The following STPG2 variants were observed in gnomAD, a reference collection of about 807,000 sequenced individuals.
STPG2 encodes the protein sperm-tail PG-rich repeat-containing protein 2.
Under a neutral mutation model 54.2 loss-of-function variants are expected in STPG2, and 56 were observed. The observed-to-expected ratio is 1.03, with a 90% confidence interval of 0.83 to 1.29. The LOEUF is 1.29. Ranked by LOEUF, STPG2 falls within the 50% of genes most tolerant of loss-of-function variation. STPG2 has a pLI of 0.00. For synonymous variants in STPG2, 200 were observed against 181.8 expected (o/e 1.10, Z -0.81); for missense variants, 596 against 544.9 (o/e 1.09, Z -0.93).
chr4:97,796,668 T>G (rs1471707617), intron 9 of STPG2, among the ~76,000 whole-genome samples: 1 of 152,216 alleles, frequency 6.6e-6, no homozygotes, highest in Non-Finnish European at 1.5e-5. Flanking sequence ...GGCTTAGGAT[T>G]GTCTTGGCAA....
chr4:97,546,675 T>G (rs1731840606), intron 4 of STPG2, among the ~76,000 whole-genome samples: 1 of 152,152 alleles, frequency 6.6e-6, no homozygotes, highest in Non-Finnish European at 1.5e-5. Flanking sequence ...TAAAAAACAC[T>G]TTTAAAAATT....
At chr4:97,517,555 A>G (rs1731100293) in intron 4 of STPG2, among the ~76,000 whole-genome samples, 1 of 152,140 alleles carries the variant, frequency 6.6e-6, no homozygotes, top group Non-Finnish European at 1.5e-5. Context: ...TTCCACATAC[A>G]AAATATCAGG....
intron 10 of STPG2, among the ~76,000 whole-genome samples, chr4:97,692,949 G>A (rs372629421): frequency 7.2e-5 from 11 of 152,206 alleles, no homozygotes; most frequent in African/African-American, 2.6e-4. Flanking sequence ...GTGAAACTAA[G>A]CTTCATAAAT....
At chr4:97,923,303 C>A (rs1385760508) in intron 8 of STPG2, among the ~76,000 whole-genome samples, 4 of 5,796 alleles carry the variant, frequency 6.9e-4, no homozygotes, top group Admixed American at 2.5e-3. Context: ...TCCCCTCCCA[C>A]CCCCCCCGCC....
At position 97,563,497 on chromosome 4, in the gene STPG2, C is replaced by T. The variant is rs547119272; in HGVS notation, c.1321-4380G>A. 2.4e-3 allele frequency among the ~76,000 whole-genome samples: 365 copies of T among 152,114 alleles called. 1 individual carries two copies. The highest frequency in any genetic ancestry group is 8.5e-3 in the African/African-American group (352 of 41,474). ...TTCTGCTAGCTTTTGAATGTGTTTG[C>T]TTTTGCTTTTCTAGTTCTTTTAATT... On this transcript the variant is annotated intron_variant, in intron 10 of 10. Transcript: ENST00000295268.
At chr4:97,665,313 C>T (rs1002057014) in intron 10 of STPG2, among the ~76,000 whole-genome samples, 6 of 152,150 alleles carry the variant, frequency 3.9e-5, no homozygotes, top group South Asian at 4.1e-4. Context: ...GGTACAGGTA[C>T]AAGTGGAGGG....
chr4:97,805,037 ATTT>A (rs1316608457), intron 9 of STPG2, among the ~76,000 whole-genome samples: 1 of 152,142 alleles, frequency 6.6e-6, no homozygotes, highest in Non-Finnish European at 1.5e-5. Context: ...CTCAGAGCAT[ATTT>A]CCATCACCAA....
downstream of STPG2, among the ~76,000 whole-genome samples, chr4:97,557,889 G>A (rs147436879): frequency 4.1e-3 from 628 of 152,308 alleles, 3 homozygotes; most frequent in South Asian, 0.02. Context: ...GGATCCTGAA[G>A]TAAGAGATAT....
At chr4:97,652,728 A>G (rs894981033) in intron 10 of STPG2, among the ~76,000 whole-genome samples, 1 of 152,024 alleles carries the variant, frequency 6.6e-6, no homozygotes, top group African/African-American at 2.4e-5. Flanking sequence ...TAACACCTTA[A>G]TGAATGGTAT....
intron 8 of STPG2, among the ~76,000 whole-genome samples, chr4:97,875,110 T>C (rs1326258311): frequency 1.3e-5 from 2 of 152,000 alleles, no homozygotes; most frequent in Non-Finnish European, 2.9e-5. Context: ...TTGTTTCCAG[T>C]TTTTGGTTAA....
intron 5 of STPG2, among the ~76,000 whole-genome samples, chr4:98,088,158 G>A (rs1159394759): frequency 1.3e-5 from 2 of 152,192 alleles, no homozygotes; most frequent in African/African-American, 4.8e-5. Context: ...ACTGAAGGTA[G>A]TTCAATGTGA....
intron 8 of STPG2, among the ~76,000 whole-genome samples, chr4:97,863,468 C>CA (rs952177940): frequency 1.3e-5 from 2 of 151,626 alleles, no homozygotes; most frequent in South Asian, 2.1e-4. Context: ...GCTTACCAAC[C>CA]AAAAAAAAGT....
chr4:97,813,815 A>C lies in STPG2; in HGVS notation c.1204+26958T>G, dbSNP rs1161242524. 4.0e-5 allele frequency among the ~76,000 whole-genome samples: 6 copies of C among 151,640 alleles called. No homozygotes were observed. In the East Asian group the frequency reaches 1.2e-3, roughly 29 times the overall value. On this transcript the variant is annotated intron_variant, in intron 9 of 10. Coordinates refer to ENST00000295268, the MANE Select transcript of STPG2 (RefSeq NM_174952.3). ...AAGCATTACAACAACTTTATGAAAA[A>C]ATACTAATGATTTCCTTTTATGGGT... is the stretch of plus-strand genomic sequence containing the variant.
At position 97,983,457 on chromosome 4, in the gene STPG2, G is replaced by T. The variant is rs559528459; in HGVS notation, c.613-2139C>A. Among the ~76,000 whole-genome samples, 9 of 152,252 alleles carry T rather than the reference G, an allele frequency of 5.9e-5. No homozygotes were observed. In the South Asian group the frequency reaches 1.9e-3, roughly 32 times the overall value. ...TCCCTAATCTCTACATTGTTCAGAG[G>T]TCAACTGTACTTAGTTATCTATTTA... On this transcript the variant is annotated intron_variant, in intron 5 of 10. Coordinates refer to ENST00000295268, the MANE Select transcript of STPG2 (RefSeq NM_174952.3).
intron 5 of STPG2, among the ~76,000 whole-genome samples, chr4:98,056,026 C>G (rs2149317083): frequency 6.6e-6 from 1 of 152,294 alleles, no homozygotes; most frequent in South Asian, 2.1e-4. Flanking sequence ...GGCAACTCCC[C>G]ACGTCACTTT....
intron 10 of STPG2, among the ~76,000 whole-genome samples, chr4:97,585,144 C>A (rs1578406076): frequency 7.2e-6 from 1 of 138,026 alleles, no homozygotes. Flanking sequence ...AAGTTAACAT[C>A]CAACAGCATT....
At chr4:97,660,687 G>C (rs1280005742) in intron 10 of STPG2, among the ~76,000 whole-genome samples, 1 of 152,006 alleles carries the variant, frequency 6.6e-6, no homozygotes. Flanking sequence ...TCTGGGTCAG[G>C]GATGGTACAA....
chr4:97,909,796 A>C (rs184138588), intron 8 of STPG2, among the ~76,000 whole-genome samples: 1 of 152,276 alleles, frequency 6.6e-6, no homozygotes, highest in Non-Finnish European at 1.5e-5. Context: ...GACTTCTTTA[A>C]ATGGTAAATA....
At chr4:97,979,874 A>G (rs1734616083) in intron 6 of STPG2, among the ~76,000 whole-genome samples, 1 of 151,744 alleles carries the variant, frequency 6.6e-6, no homozygotes, top group East Asian at 1.9e-4. Context: ...ACAGATGCGC[A>G]CCACCACACC....
Sources: allele counts gnomAD v4.1 joint callset (sites outside exome capture counted in the v4.1 genomes callset), GRCh38; gene constraint gnomAD v4.1.1; transcripts MANE v1.5; gene names NCBI Gene and HGNC (gene_info 2026-07-23, HGNC 2026-07-21).